Variants in PRLR observed in about 807,000 individuals in gnomAD.
PRLR encodes the protein prolactin receptor, also known as hPRL receptor.
A neutral mutation model predicts 40.2 loss-of-function variants in PRLR; 13 were observed. The observed-to-expected ratio is 0.32, with a 90% CI of 0.21 to 0.51. PRLR has a LOEUF of 0.51. Among genes scored for constraint, PRLR ranks in the 20% least tolerant of loss-of-function variants. PRLR has a pLI of 0.97. For missense variants in PRLR, 656 were observed against 747.3 expected (o/e 0.88, Z 1.42); for synonymous variants, 269 against 278.7 (o/e 0.97, Z 0.35).
In PRLR at chr5:35,207,857, A is replaced by C. The variant is rs78629018; in HGVS notation, c.-106+22411T>G. Among the ~76,000 whole-genome samples the C allele has an allele frequency of 9.1e-4, 138 of 152,322 alleles. 1 individual carries two copies. In the East Asian group the frequency reaches 0.026, roughly 29 times the overall value. ...CGCATTGGCAAGAATAGGTAAATCA[A>C]TTTTGAAAATGAAAAGTGATGAGAG... is the stretch of plus-strand genomic sequence containing the variant. On this transcript the variant is annotated intron_variant, in intron 1 of 9. Transcript: ENST00000618457.
intron 1 of PRLR, among the ~76,000 whole-genome samples, chr5:35,212,792 G>A (rs1776203241): frequency 6.6e-6 from 1 of 152,218 alleles, no homozygotes; most frequent in South Asian, 2.1e-4. Flanking sequence ...AGTCATAGCA[G>A]TTCAGGGTCA....
chr5:35,191,081 T>C (rs1392803294), intron 1 of PRLR, among the ~76,000 whole-genome samples: 1 of 37,358 alleles, frequency 2.7e-5, no homozygotes, highest in African/African-American at 1.1e-4. Flanking sequence ...TTTTTTTTTT[T>C]TTTTTTTGAG....
chr5:35,052,647 A>G (rs1768535121), downstream of PRLR, among the ~76,000 whole-genome samples: 1 of 152,178 alleles, frequency 6.6e-6, no homozygotes, highest in African/African-American at 2.4e-5. Context: ...ATAACTTTAC[A>G]CCAGACTTTC....
chr5:35,082,563 C>G (rs933746494), intron 5 of PRLR, among the ~76,000 whole-genome samples: 1 of 152,144 alleles, frequency 6.6e-6, no homozygotes, highest in Non-Finnish European at 1.5e-5. Context: ...AAAAATGTCT[C>G]CAGTCATTGC....
chr5:35,092,365 A>C (rs1561289748), intron 2 of PRLR, among the ~76,000 whole-genome samples: 1 of 152,234 alleles, frequency 6.6e-6, no homozygotes, highest in South Asian at 2.1e-4. Context: ...GAAGGCAAAC[A>C]TAATGGAGGT....
Position 35,065,740 on chromosome 5 carries a change from A to T in PRLR, c.1218T>A (p.Phe406Leu), listed in dbSNP as rs755439395. The change falls in exon 10 of 10, where the codon TTT (phenylalanine) becomes TTA (leucine). Residue 406 changes from phenylalanine (F) to leucine (L), a missense_variant. By Grantham distance (22) the Phe-to-Leu change is conservative. Around this residue, in one of 3 missense-constraint regions of PRLR, gnomAD observed 469 missense variants for 491.5 expected, o/e 0.95. Transcript: ENST00000618457. ...CISMEGKIPY[F>L]HAGGSKCSTW... ...TTGAACATTTGGATCCACCAGCATG[A>T]AAATAGGGGATTTTGCCTTCCATGC... The T allele has an allele frequency of 2.4e-5, 38 of 1,613,970 alleles. No homozygotes were observed. The highest frequency in any genetic ancestry group is 3.2e-5 in the Non-Finnish European group (38 of 1,180,010).
At chr5:35,080,569 T>C (rs934164636) in intron 5 of PRLR, among the ~76,000 whole-genome samples, 2 of 152,080 alleles carry the variant, frequency 1.3e-5, no homozygotes, top group African/African-American at 4.8e-5. Flanking sequence ...TGTGGAGAAA[T>C]AGGAACACTT....
intron 2 of PRLR, among the ~76,000 whole-genome samples, chr5:35,109,937 A>G (rs986131333): frequency 6.6e-5 from 10 of 152,238 alleles, no homozygotes; most frequent in African/African-American, 2.2e-4. Context: ...TTGCGGCACT[A>G]TTCACAATAG....
At chr5:35,128,928 C>T (rs970171699) in intron 1 of PRLR, among the ~76,000 whole-genome samples, 2 of 152,170 alleles carry the variant, frequency 1.3e-5, no homozygotes, top group African/African-American at 4.8e-5. Flanking sequence ...TCTCTGCCTC[C>T]TTCCCCGTAT....
chr5:35,230,109 C>A (rs1467112403), intron 1 of PRLR, among the ~76,000 whole-genome samples, 159 bp downstream of exon 1: 2 of 152,162 alleles, frequency 1.3e-5, no homozygotes, highest in Non-Finnish European at 1.5e-5. Flanking sequence ...CGGCTGCCGA[C>A]TCTGGCTCCT....
At chr5:35,187,353 A>G (rs1269949314) in intron 1 of PRLR, among the ~76,000 whole-genome samples, 2 of 151,964 alleles carry the variant, frequency 1.3e-5, no homozygotes, top group Non-Finnish European at 2.9e-5. Flanking sequence ...GTGAGCCGAG[A>G]TCACGCCACT....
chr5:35,085,527 C>T lies in PRLR; in HGVS notation c.203+681G>A, dbSNP rs553057295. 5.3e-5 allele frequency among the ~76,000 whole-genome samples: 8 copies of T among 152,274 alleles called. 1 individual carries two copies. In the South Asian group the frequency reaches 1.7e-3, roughly 32 times the overall value. On this transcript the variant is annotated intron_variant, in intron 4 of 9. Coordinates refer to ENST00000618457, the MANE Select transcript of PRLR (RefSeq NM_000949.7). ...ATTTCAACCTTAGGTCCCAATATGT[C>T]TTCTAGGAGATGGTGGCTCTTGGAT...
intron 1 of PRLR, among the ~76,000 whole-genome samples, chr5:35,159,324 A>G (rs79180869): frequency 4.9e-4 from 11 of 22,676 alleles, no homozygotes; most frequent in Non-Finnish European, 1.6e-3. Flanking sequence ...AGATAGGAAA[A>G]AAAAAAAAAA....
At chr5:35,104,082 C>A (rs1772067831) in intron 2 of PRLR, among the ~76,000 whole-genome samples, 2 of 152,092 alleles carry the variant, frequency 1.3e-5, no homozygotes, top group South Asian at 4.1e-4. Flanking sequence ...GAGGGGTTCC[C>A]TGCTTAGCAC....
intron 6 of PRLR, 151 bp from the exon 7 acceptor site, chr5:35,070,416 C>T: frequency 5.6e-6 from 5 of 890,724 alleles, no homozygotes; most frequent in Non-Finnish European, 6.7e-6. Context: ...CCTATCTTTT[C>T]CTTCTCTTAA....
chr5:35,213,557 C>G (rs1776218499), intron 1 of PRLR, among the ~76,000 whole-genome samples: 1 of 152,116 alleles, frequency 6.6e-6, no homozygotes, highest in South Asian at 2.1e-4. Flanking sequence ...ACACTTTGCT[C>G]ACAAATGAAC....
intron 2 of PRLR, among the ~76,000 whole-genome samples, chr5:35,092,633 C>T (rs188325261): frequency 3.6e-4 from 55 of 152,292 alleles, no homozygotes; most frequent in African/African-American, 1.3e-3. Context: ...TTATTCTCTC[C>T]CAATTGGGAC....
chr5:35,064,945 A>T lies in PRLR; in HGVS notation c.*144T>A. The T allele has an allele frequency of 1.2e-6, 1 of 831,330 alleles. No homozygotes were observed. The highest frequency in any genetic ancestry group is 1.8e-6 in the Non-Finnish European group (1 of 542,184). The allele number at this position is 831,330 out of a possible 1,614,324, so 51.5% of individuals were successfully genotyped here. On this transcript the variant is annotated 3_prime_UTR_variant, in exon 10 of 10. Transcript: ENST00000618457. ...TTCTGGAATCAGCTGCTGGAGAAAG[A>T]GGCAAGTGGTTAAAAATGGAGCATG...
chr5:35,052,716 C>T (rs1337437421), downstream of PRLR, among the ~76,000 whole-genome samples: 1 of 152,172 alleles, frequency 6.6e-6, no homozygotes, highest in Non-Finnish European at 1.5e-5. Flanking sequence ...GGTCATAAGA[C>T]CCCCTTTCCA....
Sources: gnomAD v4.1 joint callset for allele counts (sites outside exome capture counted in the v4.1 genomes callset) on GRCh38, gnomAD v4.1.1 for gene constraint, gnomAD v4.1.1 regional missense constraint, MANE v1.5 for transcripts, NCBI Gene and HGNC (gene_info 2026-07-23, HGNC 2026-07-21) for gene names.